Variants in SOX5 observed in about 807,000 individuals in gnomAD.
SOX5 encodes transcription factor SOX-5.
In SOX5, 9 loss-of-function variants were observed where a neutral mutation model predicts 92.0. The observed-to-expected ratio is 0.10, with a 90% CI of 0.06 to 0.17. The LOEUF is 0.17. Among genes scored for constraint, SOX5 ranks in the 10% least tolerant of loss-of-function variants. The pLI, the probability that SOX5 is intolerant of heterozygous loss-of-function variation, is 1.00. For missense variants in SOX5, 642 were observed against 944.5 expected, an observed-to-expected ratio of 0.68 and a Z score of 4.20; for synonymous variants, 344 against 336.3, an observed-to-expected ratio of 1.02 and a Z score of -0.25.
At chr12:24,455,141 C>T (rs1035893943) in intron 1 of SOX5, among the ~76,000 whole-genome samples, 73 of 152,156 alleles carry the variant, frequency 4.8e-4, no homozygotes, top group African/African-American at 1.6e-3. Context: ...TTTGTTAGAA[C>T]ATAAAATACC....
intron 1 of SOX5, among the ~76,000 whole-genome samples, chr12:24,415,435 A>G (rs10771087): frequency 0.24 from 36,923 of 152,136 alleles, 5,385 homozygotes; most frequent in East Asian, 0.66. Flanking sequence ...TTTTTTATAC[A>G]CATAAAGCCA....
chr12:23,743,431 TCCTGAGTAGCTGGGATTACAGG>T (rs1237269437), intron 4 of SOX5, among the ~76,000 whole-genome samples: 1 of 152,094 alleles, frequency 6.6e-6, no homozygotes, highest in Non-Finnish European at 1.5e-5. Context: ...TACCTCAGCC[TCCTGAGTAGCTGGGATTACAGG>T]CGCATGCCAC....
At chr12:24,267,217 C>A (rs937629891) in intron 3 of SOX5, among the ~76,000 whole-genome samples, 1 of 152,048 alleles carries the variant, frequency 6.6e-6, no homozygotes, top group African/African-American at 2.4e-5. Context: ...CGGAGCAAGA[C>A]CCTGTCTCAA....
intron 3 of SOX5, among the ~76,000 whole-genome samples, chr12:24,245,642 G>A (rs1042911233): frequency 1.3e-5 from 2 of 152,056 alleles, no homozygotes; most frequent in Admixed American, 6.5e-5. Context: ...ATATGTACAC[G>A]CACATATGTG....
intron 4 of SOX5, among the ~76,000 whole-genome samples, chr12:24,101,930 T>A (rs772125700): frequency 1.3e-5 from 2 of 152,204 alleles, no homozygotes. Context: ...CATACTGTTA[T>A]CTTCCATTGA....
At chr12:23,914,887 A>G (rs564007567) in intron 1 of SOX5, among the ~76,000 whole-genome samples, 2 of 152,270 alleles carry the variant, frequency 1.3e-5, no homozygotes, top group Non-Finnish European at 2.9e-5. Context: ...CTCTTTAACC[A>G]AAATTAAAGT....
intron 1 of SOX5, among the ~76,000 whole-genome samples, chr12:24,480,449 C>A (rs12833175): frequency 0.095 from 14,463 of 152,150 alleles, 766 homozygotes; most frequent in South Asian, 0.15. Context: ...ACAAAGGATA[C>A]ATTCAACAAA....
At chr12:24,104,966 T>C (rs1212999536) in intron 4 of SOX5, among the ~76,000 whole-genome samples, 1 of 152,212 alleles carries the variant, frequency 6.6e-6, no homozygotes, top group African/African-American at 2.4e-5. Context: ...ATTCAGATCA[T>C]TACTTTGGAA....
At chr12:24,164,360 A>T (rs991201281) in intron 4 of SOX5, among the ~76,000 whole-genome samples, 1 of 152,082 alleles carries the variant, frequency 6.6e-6, no homozygotes, top group African/African-American at 2.4e-5. Context: ...CTTTTTAATT[A>T]AGAAAGCTCC....
At position 24,026,445 on chromosome 12, in the gene SOX5, C is replaced by G. The variant is rs540323844; in HGVS notation, c.-1-130421G>C. ...CCTTGACCATAGAGAAGATGTTAAC[C>G]CTGGCTATGAATGTTAAATTGTGGT... On this transcript the variant is annotated intron_variant, in intron 4 of 4. Transcript: ENST00000446891. Among the ~76,000 whole-genome samples the G allele has an allele frequency of 8.6e-5, 13 of 151,604 alleles. No homozygotes were observed. In the East Asian group the frequency reaches 2.5e-3, roughly 29 times the overall value.
intron 1 of SOX5, among the ~76,000 whole-genome samples, chr12:24,371,080 C>T (rs998234436): frequency 3.0e-4 from 45 of 152,130 alleles, no homozygotes; most frequent in Non-Finnish European, 6.0e-4. Flanking sequence ...ATCTACATGA[C>T]CCTTACCTAA....
At chr12:24,215,989 A>G (rs1477080739) in intron 3 of SOX5, among the ~76,000 whole-genome samples, 2 of 152,244 alleles carry the variant, frequency 1.3e-5, no homozygotes, top group African/African-American at 4.8e-5. Context: ...GGTTGCCCAG[A>G]CAAGTCAATG....
At chr12:23,934,500 T>C (rs1942124316) in intron 1 of SOX5, among the ~76,000 whole-genome samples, 1 of 149,056 alleles carries the variant, frequency 6.7e-6, no homozygotes, top group South Asian at 2.1e-4. Context: ...ATATATAAAA[T>C]ACAAATGATT....
intron 4 of SOX5, among the ~76,000 whole-genome samples, chr12:23,979,709 T>G (rs1390136541): frequency 4.0e-3 from 401 of 99,018 alleles, no homozygotes; most frequent in South Asian, 8.3e-3. Flanking sequence ...TTTTTTTTGT[T>G]TTTTTTTTTT....
intron 1 of SOX5, among the ~76,000 whole-genome samples, chr12:24,415,708 C>G (rs1964907461): frequency 1.3e-5 from 2 of 152,226 alleles, no homozygotes; most frequent in Admixed American, 1.3e-4. Context: ...CATAGACAGT[C>G]TCAATCCATC....
chr12:23,589,189 T>TC (rs1388145508), intron 9 of SOX5, among the ~76,000 whole-genome samples: 1 of 149,226 alleles, frequency 6.7e-6, no homozygotes, highest in East Asian at 2.0e-4. Flanking sequence ...TTTGAGATAA[T>TC]TTTTTTTTTG....
chr12:24,514,451 C>T (rs1949594418), intron 1 of SOX5, among the ~76,000 whole-genome samples: 1 of 152,100 alleles, frequency 6.6e-6, no homozygotes, highest in Admixed American at 6.6e-5. Flanking sequence ...GTTCCACCTG[C>T]CAAAAATTTA....
intron 1 of SOX5, among the ~76,000 whole-genome samples, chr12:24,419,871 T>C (rs1450209682): frequency 6.6e-6 from 1 of 152,168 alleles, no homozygotes; most frequent in Non-Finnish European, 1.5e-5. Flanking sequence ...TGAAACTCTA[T>C]AGATAAGAGG....
intron 1 of SOX5, among the ~76,000 whole-genome samples, chr12:24,498,485 A>C (rs1314202170): frequency 6.6e-6 from 1 of 152,146 alleles, no homozygotes; most frequent in Non-Finnish European, 1.5e-5. Flanking sequence ...ATTAAATAGG[A>C]GTGTTACAAA....
Sources: gnomAD v4.1 joint callset for allele counts (sites outside exome capture counted in the v4.1 genomes callset) on GRCh38, gnomAD v4.1.1 for gene constraint, MANE v1.5 for transcripts, NCBI Gene and HGNC (gene_info 2026-07-23, HGNC 2026-07-21) for gene names.